TMTC1: variants seen among roughly 807,000 people sequenced by gnomAD.
TMTC1 encodes transmembrane O-mannosyltransferase targeting cadherins 1.
TMTC1 carries 73 observed loss-of-function variants against 104.8 expected under a neutral mutation model. The observed-to-expected ratio is 0.70, with a 90% confidence interval of 0.58 to 0.85. The LOEUF is 0.85. Among genes scored for constraint, TMTC1 ranks in the 40% least tolerant of loss-of-function variants. TMTC1 has a pLI of 0.00. For missense variants in TMTC1, 1,035 were observed against 1,096.1 expected, an observed-to-expected ratio of 0.94 and a Z score of 0.79; for synonymous variants, 434 against 428.7, an observed-to-expected ratio of 1.01 and a Z score of -0.15.
chr12:29,676,783 G>A (rs1940741631), intron 5 of TMTC1, among the ~76,000 whole-genome samples: 1 of 152,180 alleles, frequency 6.6e-6, no homozygotes, highest in African/African-American at 2.4e-5. Flanking sequence ...AGAAGATGAT[G>A]CCCTCGTGCA....
chr12:29,508,687 C>T (rs1333321343), intron 17 of TMTC1, among the ~76,000 whole-genome samples: 2 of 152,090 alleles, frequency 1.3e-5, no homozygotes, highest in Non-Finnish European at 2.9e-5. Context: ...AGTTCTCGTG[C>T]CTCAGCCTCC....
chr12:29,554,008 A>G (rs1284576683), intron 10 of TMTC1, among the ~76,000 whole-genome samples: 1 of 152,186 alleles, frequency 6.6e-6, no homozygotes, highest in Non-Finnish European at 1.5e-5. Flanking sequence ...ATACTCATCT[A>G]TATGATTTTT....
chr12:29,550,348 G>T (rs1414458536), intron 10 of TMTC1, among the ~76,000 whole-genome samples: 1 of 152,132 alleles, frequency 6.6e-6, no homozygotes, highest in Admixed American at 6.5e-5. Context: ...AAATCAGGGA[G>T]AAGAGAGGTT....
chr12:29,526,016 G>A (rs1012989595), intron 11 of TMTC1, among the ~76,000 whole-genome samples: 1 of 152,094 alleles, frequency 6.6e-6, no homozygotes. Context: ...CAGAAAATAC[G>A]CATTAAAAAT....
intron 11 of TMTC1, among the ~76,000 whole-genome samples, chr12:29,530,778 A>G (rs1944480705): frequency 6.6e-6 from 1 of 152,184 alleles, no homozygotes; most frequent in Non-Finnish European, 1.5e-5. Context: ...CCAAATTTGT[A>G]GATCTCATGA....
At chr12:29,533,661 C>T (rs1331763824) in intron 11 of TMTC1, 1 of 152,184 alleles carries the variant, frequency 6.6e-6, no homozygotes, top group Non-Finnish European at 1.5e-5. Context: ...CTAACTAATA[C>T]TGATCTTCAC....
At chr12:29,599,888 A>ATG (rs554812780) in intron 7 of TMTC1, among the ~76,000 whole-genome samples, 152 of 150,328 alleles carry the variant, frequency 1.0e-3, no homozygotes, top group African/African-American at 3.7e-3. Context: ...CACCATATAT[A>ATG]TGTGTATATA....
chr12:29,683,273 T>C (rs1940981918), intron 5 of TMTC1, among the ~76,000 whole-genome samples: 1 of 152,102 alleles, frequency 6.6e-6, no homozygotes, highest in Non-Finnish European at 1.5e-5. Flanking sequence ...GTCAAGAGGG[T>C]TTAAAACTGA....
intron 2 of TMTC1, among the ~76,000 whole-genome samples, chr12:29,761,582 G>GTTTT (rs10696109): frequency 1.1e-4 from 16 of 149,482 alleles, no homozygotes; most frequent in East Asian, 9.8e-4. Context: ...TGCATTTCTC[G>GTTTT]TTTTTTTTTT....
At chr12:29,658,624 C>A in intron 5 of TMTC1, 1 of 205,500 alleles carries the variant, frequency 4.9e-6, no homozygotes, top group South Asian at 9.0e-5. Context: ...CCAGTTTTGC[C>A]ACGGAAACAT....
chr12:29,673,608 T>G (rs2136688991), intron 5 of TMTC1, among the ~76,000 whole-genome samples: 1 of 151,830 alleles, frequency 6.6e-6, no homozygotes, highest in South Asian at 2.1e-4. Context: ...TATGTATATT[T>G]ACATATTTAA....
At chr12:29,734,678 G>A (rs997376640) in intron 5 of TMTC1, among the ~76,000 whole-genome samples, 1 of 152,086 alleles carries the variant, frequency 6.6e-6, no homozygotes, top group African/African-American at 2.4e-5. Flanking sequence ...CCACACTAGC[G>A]ATTTTTCAAA....
intron 11 of TMTC1, among the ~76,000 whole-genome samples, chr12:29,528,523 T>A (rs890952326): frequency 2.0e-5 from 3 of 152,178 alleles, no homozygotes; most frequent in Non-Finnish European, 4.4e-5. Flanking sequence ...CCCCACTTTT[T>A]ATATGCTATA....
intron 2 of TMTC1, among the ~76,000 whole-genome samples, chr12:29,761,513 A>G (rs1943347634): frequency 6.6e-6 from 1 of 152,076 alleles, no homozygotes; most frequent in Middle Eastern, 3.2e-3. Context: ...TTGAAATGGA[A>G]GAGGGATGGG....
intron 5 of TMTC1, among the ~76,000 whole-genome samples, chr12:29,664,105 T>C (rs1430827274): frequency 6.7e-6 from 1 of 149,416 alleles, no homozygotes; most frequent in African/African-American, 2.4e-5. Context: ...GAGAATGGCG[T>C]GAACCCGGGA....
At chr12:29,599,887 TATGTGTATATATAC>T (rs1203308778) in intron 7 of TMTC1, among the ~76,000 whole-genome samples, 18 of 150,622 alleles carry the variant, frequency 1.2e-4, no homozygotes, top group African/African-American at 3.5e-4. Flanking sequence ...ACACCATATA[TATGTGTATATATAC>T]ATGTGTATAT....
At chr12:29,747,489 T>C (rs1223263915) in intron 5 of TMTC1, among the ~76,000 whole-genome samples, 1 of 152,214 alleles carries the variant, frequency 6.6e-6, no homozygotes, top group Non-Finnish European at 1.5e-5. Flanking sequence ...TTCCCTGTAT[T>C]AGATAACTTC....
At chr12:29,745,243 C>T (rs1442916106) in intron 5 of TMTC1, among the ~76,000 whole-genome samples, 1 of 152,134 alleles carries the variant, frequency 6.6e-6, no homozygotes, top group Non-Finnish European at 1.5e-5. Context: ...TTCTGCAGTG[C>T]CCTAACATTC....
chr12:29,665,327 T>C (rs991666658), intron 5 of TMTC1, among the ~76,000 whole-genome samples: 5 of 152,238 alleles, frequency 3.3e-5, no homozygotes, highest in Non-Finnish European at 7.3e-5. Flanking sequence ...TAACAACTTC[T>C]GATTCTTGCC....
Sources: gnomAD v4.1 joint callset for allele counts (sites outside exome capture counted in the v4.1 genomes callset) on GRCh38, gnomAD v4.1.1 for gene constraint, MANE v1.5 for transcripts, NCBI Gene and HGNC (gene_info 2026-07-23, HGNC 2026-07-21) for gene names.